ATP10D: variants seen among roughly 807,000 people sequenced by gnomAD.
The protein encoded by ATP10D is ATPase phospholipid transporting 10D (putative), also known as phospholipid-transporting ATPase VD.
Under a neutral mutation model 144.8 loss-of-function variants are expected in ATP10D, and 89 were observed. The ratio of observed to expected loss-of-function variants is 0.61; its 90% CI spans 0.52 to 0.73. The LOEUF (loss-of-function observed/expected upper bound fraction) is 0.73. Ranked by LOEUF, ATP10D falls within the 30% of genes least tolerant of loss-of-function variation. The probability of loss-of-function intolerance (pLI) is 0.00; values close to 1 mark genes in which losing one functional copy is unlikely to be tolerated. For missense variants in ATP10D, 1,603 were observed against 1,714.8 expected, an observed-to-expected ratio of 0.93 and a Z score of 1.15; for synonymous variants, 571 against 615.1, an observed-to-expected ratio of 0.93 and a Z score of 1.06.
chr4:47,533,919 A>G (rs1346748585), intron 5 of ATP10D, among the ~76,000 whole-genome samples: 1 of 152,158 alleles, frequency 6.6e-6, no homozygotes, highest in Non-Finnish European at 1.5e-5. Context: ...ATGAGTCACA[A>G]CCACAATACC....
At chr4:47,556,647 G>T (rs1484618544) in intron 11 of ATP10D, 2 of 152,156 alleles carry the variant, frequency 1.3e-5, no homozygotes, top group Non-Finnish European at 2.9e-5. Context: ...CCTCATCTGT[G>T]ATTGTGTTTT....
At chr4:47,579,559 G>T (rs1350831862) in intron 19 of ATP10D, among the ~76,000 whole-genome samples, 1 of 152,228 alleles carries the variant, frequency 6.6e-6, no homozygotes, top group Non-Finnish European at 1.5e-5. Context: ...AAATGCTCAT[G>T]TAGGAGGTCC....
chr4:47,527,587 A>G (rs1717317698), intron 5 of ATP10D, among the ~76,000 whole-genome samples: 1 of 152,202 alleles, frequency 6.6e-6, no homozygotes, highest in African/African-American at 2.4e-5. Flanking sequence ...GGAATCTCGA[A>G]ACCCAGTAAT....
chr4:47,517,882 C>A (rs982799253), intron 3 of ATP10D, among the ~76,000 whole-genome samples: 1 of 152,084 alleles, frequency 6.6e-6, no homozygotes. Context: ...TATTTAATAT[C>A]CATTCTAAGA....
At position 47,546,857 on chromosome 4, in the gene ATP10D, C is replaced by T. The variant is rs1256745206; in HGVS notation, c.1630C>T (p.Pro544Ser). Residue 544 changes from proline (P) to serine (S), a missense_variant, in exon 10 of 23, where the codon CCC becomes TCC. Pro to Ser is a moderately conservative substitution (Grantham distance 74). Transcript: ENST00000273859. ...TTCCAGACAGGCTGCTTTCAGTAGC[C>T]CCATTGTAAGTATGAATGCATGACT... The part of the protein sequence containing the change: ...PHSRQAAFSS[P>S]IETDVVPDTR... 1.2e-6 allele frequency: 2 copies of T among 1,611,468 alleles called. No individual in the cohort carries two copies. The highest frequency in any genetic ancestry group is 2.7e-5 in the African/African-American group (2 of 74,772).
intron 20 of ATP10D, among the ~76,000 whole-genome samples, chr4:47,580,767 C>G (rs1017342817): frequency 6.6e-6 from 1 of 152,024 alleles, no homozygotes. Context: ...TTAGATTAGT[C>G]AAAAATCAGA....
At chr4:47,561,611 C>G (rs777324072) in intron 14 of ATP10D, among the ~76,000 whole-genome samples, 2 of 152,108 alleles carry the variant, frequency 1.3e-5, no homozygotes, top group African/African-American at 2.4e-5. Context: ...TGCTACTGGA[C>G]TAAGGAAATT....
intron 1 of ATP10D, among the ~76,000 whole-genome samples, chr4:47,503,753 G>T (rs1715848374): frequency 6.6e-6 from 1 of 152,038 alleles, no homozygotes; most frequent in Admixed American, 6.6e-5. Flanking sequence ...TAAAAAATTA[G>T]CTAGATGTGG....
In ATP10D at chr4:47,558,290, G is replaced by A. The variant is rs1177556093; in HGVS notation, c.2434+17G>A. ...CTTCCCCAGGTAAGTTTATACAAAA[G>A]TGAAATAGTAGTGATTTGAAAAGCT... On this transcript the variant is annotated intron_variant, in intron 12 of 22. Transcript: ENST00000273859. 6.2e-7 allele frequency: 1 copy of A among 1,606,402 alleles called. No individual in the cohort carries two copies.
chr4:47,542,907 A>G (rs1312181041), intron 9 of ATP10D, among the ~76,000 whole-genome samples: 2 of 152,220 alleles, frequency 1.3e-5, no homozygotes, highest in African/African-American at 4.8e-5. Flanking sequence ...ACCTGGAACT[A>G]TACTAATTAT....
chr4:47,496,223 T>C (rs1483170294), intron 1 of ATP10D, among the ~76,000 whole-genome samples: 1 of 147,878 alleles, frequency 6.8e-6, no homozygotes, highest in Non-Finnish European at 1.5e-5. Flanking sequence ...AATGGCATGA[T>C]CTCAGCTCAC....
At chr4:47,586,002 G>A (rs1049586647) in intron 21 of ATP10D, among the ~76,000 whole-genome samples, 1 of 152,166 alleles carries the variant, frequency 6.6e-6, no homozygotes. Flanking sequence ...TTTCTTTTGG[G>A]TGTACAACCA....
At chr4:47,528,578 T>A (rs1044299127) in intron 5 of ATP10D, among the ~76,000 whole-genome samples, 1 of 151,624 alleles carries the variant, frequency 6.6e-6, no homozygotes, top group Non-Finnish European at 1.5e-5. Context: ...TAGGTTGATT[T>A]CATTACTTCA....
intron 1 of ATP10D, among the ~76,000 whole-genome samples, chr4:47,504,428 C>G (rs149266056): frequency 6.6e-6 from 1 of 152,324 alleles, no homozygotes; most frequent in Non-Finnish European, 1.5e-5. Context: ...ATCAGTCTCC[C>G]TGCAGTAATA....
chr4:47,486,870 A>C (rs994824427), intron 1 of ATP10D, among the ~76,000 whole-genome samples: 10 of 152,196 alleles, frequency 6.6e-5, no homozygotes, highest in African/African-American at 2.4e-4. Flanking sequence ...ACTCTAAACT[A>C]GGATGTGGGG....
chr4:47,534,338 A>G (rs1025071448), intron 5 of ATP10D, among the ~76,000 whole-genome samples: 9 of 152,310 alleles, frequency 5.9e-5, no homozygotes, highest in African/African-American at 2.2e-4. Context: ...AAAGAATCTG[A>G]TGAAACAAAC....
At chr4:47,579,499 G>T (rs1720404115) in intron 19 of ATP10D, among the ~76,000 whole-genome samples, 1 of 152,174 alleles carries the variant, frequency 6.6e-6, no homozygotes, top group Non-Finnish European at 1.5e-5. Flanking sequence ...GACTGGTTTG[G>T]TGTGCCTGTA....
chr4:47,559,742 GCT>G (rs1381716857), intron 13 of ATP10D, among the ~76,000 whole-genome samples: 2 of 152,166 alleles, frequency 1.3e-5, no homozygotes, highest in Non-Finnish European at 2.9e-5. Flanking sequence ...GGGCACAGTA[GCT>G]CACGCCTGTA....
chr4:47,525,932 A>G (rs1717223989), intron 5 of ATP10D, among the ~76,000 whole-genome samples: 2 of 152,228 alleles, frequency 1.3e-5, no homozygotes, highest in African/African-American at 4.8e-5. Flanking sequence ...CAGCCCATGA[A>G]TGCTCTATGG....
Sources: gnomAD v4.1 joint callset for allele counts (sites outside exome capture counted in the v4.1 genomes callset) on GRCh38, gnomAD v4.1.1 for gene constraint, MANE v1.5 for transcripts, NCBI Gene and HGNC (gene_info 2026-07-23, HGNC 2026-07-21) for gene names.